PLEKHA1: variants seen among roughly 807,000 people sequenced by gnomAD.
The protein encoded by PLEKHA1 is pleckstrin homology domain containing A1, also known as pleckstrin homology domain-containing family A member 1.
A neutral mutation model predicts 52.0 loss-of-function variants in PLEKHA1; 34 were observed. The observed-to-expected ratio is 0.65, with a 90% CI of 0.50 to 0.87. The LOEUF (loss-of-function observed/expected upper bound fraction) is 0.87. Among genes scored for constraint, PLEKHA1 ranks in the 40% least tolerant of loss-of-function variants. The probability of loss-of-function intolerance (pLI) is 0.00; values close to 1 mark genes in which losing one functional copy is unlikely to be tolerated. For synonymous variants in PLEKHA1, 163 were observed against 170.7 expected (o/e 0.95, Z 0.35); for missense variants, 497 against 504.2 (o/e 0.99, Z 0.14).
chr10:122,418,684 T>G (rs2097214459), intron 8 of PLEKHA1: 1 of 152,194 alleles, frequency 6.6e-6, no homozygotes, highest in Non-Finnish European at 1.5e-5. Flanking sequence ...AATCAGAAAT[T>G]GAAATTCCCT....
chr10:122,402,732 C>T (rs1459248402), intron 4 of PLEKHA1, among the ~76,000 whole-genome samples: 3 of 152,194 alleles, frequency 2.0e-5, no homozygotes, highest in Non-Finnish European at 4.4e-5. Flanking sequence ...TCTGTCCCAG[C>T]AGGTAATGGG....
Position 122,406,567 on chromosome 10 carries a change from T to C in PLEKHA1, c.245-9T>C. On this transcript the variant is annotated splice_polypyrimidine_tract_variant and intron_variant, in intron 4 of 11. Coordinates refer to ENST00000368990, the MANE Select transcript of PLEKHA1 (RefSeq NM_001001974.4). ...CAATATTTGGTGTGTTATTTTTTTC[T>C]GTCAACAGTTATGAATGCAGGAATG... is the stretch of plus-strand genomic sequence containing the variant. 1 of 1,598,880 alleles carries C rather than the reference T, an allele frequency of 6.3e-7. No homozygotes were observed. Among genetic ancestry groups the C allele is most frequent in the Non-Finnish European group, 8.6e-7 (1 of 1,167,154 alleles).
chr10:122,391,289 A>G (rs2096771809), intron 1 of PLEKHA1, among the ~76,000 whole-genome samples: 1 of 152,048 alleles, frequency 6.6e-6, no homozygotes, highest in African/African-American at 2.4e-5. Flanking sequence ...AAATTTGATG[A>G]AGTCCAATAT....
chr10:122,429,731 C>A lies in PLEKHA1; in HGVS notation c.1008C>A (p.Thr336=). The A allele has an allele frequency of 6.2e-7, 1 of 1,614,148 alleles. No individual in the cohort carries two copies. Among genetic ancestry groups the A allele is most frequent in the Non-Finnish European group, 8.5e-7 (1 of 1,180,030 alleles). The change falls in exon 12 of 12, where the codon ACC becomes ACA. Residue 336 remains threonine (T), a synonymous_variant. Coordinates refer to ENST00000368990, the MANE Select transcript of PLEKHA1 (RefSeq NM_001001974.4). ...CTCGCAGCAACTCTTTGGTCTCAAC[C>A]TTTACCATGGAGAAGCGAGGATTTT... ...TASRSNSLVS[T]FTMEKRGFYE... is the part of the protein sequence containing the mutation.
rs1010039805 is a variant in PLEKHA1 at position 122,431,812 on chromosome 10, A to G, written c.*1874A>G. 11 of 152,356 alleles carry G rather than the reference A, an allele frequency of 7.2e-5. No homozygotes were observed. Among genetic ancestry groups the G allele is most frequent in the Non-Finnish European group, 1.2e-4 (8 of 68,024 alleles). 9.4% of individuals were successfully genotyped at this position (152,356 alleles called of 1,614,324 possible). A position where few individuals can be genotyped will look rare whatever the true frequency, so the allele number is the denominator to read the frequency against. On this transcript the variant is annotated 3_prime_UTR_variant, in exon 12 of 12. Transcript: ENST00000368990. ...GATTTTAATGAGTTATCACTTTTTC[A>G]GCTGATATATTCATTTTAATGGCTT...
chr10:122,375,395 C>A (rs968237051), intron 1 of PLEKHA1, among the ~76,000 whole-genome samples: 6 of 152,240 alleles, frequency 3.9e-5, no homozygotes, highest in Non-Finnish European at 8.8e-5. Context: ...GGGCGGTGTC[C>A]GCGATTTACC....
intron 4 of PLEKHA1, among the ~76,000 whole-genome samples, chr10:122,404,180 A>G (rs935023705): frequency 2.0e-5 from 3 of 152,200 alleles, no homozygotes; most frequent in African/African-American, 7.2e-5. Flanking sequence ...ATAATGTTTA[A>G]AAGATGATAT....
the PLEKHA1 span, chr10:122,441,651 G>A: frequency 6.6e-6 from 1 of 152,170 alleles, no homozygotes; most frequent in African/African-American, 2.4e-5. Context: ...CCCACTGAAA[G>A]AGGCTGCGTG....
chr10:122,408,081 T>A (rs985037714), intron 5 of PLEKHA1, among the ~76,000 whole-genome samples: 4 of 152,244 alleles, frequency 2.6e-5, no homozygotes, highest in Non-Finnish European at 5.9e-5. Flanking sequence ...TTTAACCTGA[T>A]TCAGACATAC....
intron 5 of PLEKHA1, among the ~76,000 whole-genome samples, chr10:122,407,756 T>G (rs1341370696): frequency 6.6e-6 from 1 of 152,052 alleles, no homozygotes; most frequent in Non-Finnish European, 1.5e-5. Context: ...AATTGCGTTT[T>G]TGTTTTTGTT....
In PLEKHA1 at chr10:122,374,809, A is replaced by G. The variant is rs1481953255; in HGVS notation, c.-21+3A>G. 1 of 151,542 alleles carries G rather than the reference A, an allele frequency of 6.6e-6. No individual in the cohort carries two copies. Among genetic ancestry groups the G allele is most frequent in the Non-Finnish European group, 1.5e-5 (1 of 67,782 alleles). The allele number at this position is 151,542 out of a possible 1,614,324, so 9.4% of individuals were successfully genotyped here. A position where few individuals can be genotyped will look rare whatever the true frequency, so the allele number is the denominator to read the frequency against. On this transcript the variant is annotated splice_donor_region_variant and intron_variant, in intron 1 of 11. Coordinates refer to ENST00000368990, the MANE Select transcript of PLEKHA1 (RefSeq NM_001001974.4). ...GGGTGCTCCGGGCCGAGGCCGCGGT[A>G]AAGTTTAGCTTGAAGAACGCGGCCG...
chr10:122,417,628 A>G (rs915864393), intron 7 of PLEKHA1, among the ~76,000 whole-genome samples: 1 of 147,256 alleles, frequency 6.8e-6, no homozygotes, highest in African/African-American at 2.6e-5. Context: ...CCTGGGTGAC[A>G]GAGCAAGACT....
chr10:122,409,837 G>C (rs928606854), intron 5 of PLEKHA1, among the ~76,000 whole-genome samples: 5 of 150,766 alleles, frequency 3.3e-5, no homozygotes, highest in African/African-American at 1.2e-4. Context: ...CTGGAGTACA[G>C]TGGTGCTATC....
At chr10:122,391,387 A>C (rs887551948) in intron 1 of PLEKHA1, among the ~76,000 whole-genome samples, 1 of 152,136 alleles carries the variant, frequency 6.6e-6, no homozygotes, top group Non-Finnish European at 1.5e-5. Context: ...TTTTCTTCTG[A>C]AAGTTTTCTG....
Position 122,429,685 on chromosome 10 carries a change from C to T in PLEKHA1, c.962C>T (p.Ala321Val), listed in dbSNP as rs2097398816. Residue 321 changes from alanine to valine, a missense_variant, in exon 12 of 12, where the codon GCC becomes GTC. By Grantham distance (64) the Ala-to-Val change is moderately conservative (BLOSUM62 0). Transcript: ENST00000368990. ...HAFRPTNAAT[A>V]TSHSTASRSN... is the part of the protein sequence containing the mutation. ...TTCCGTCCTACCAACGCAGCCACCG[C>T]CACCTCACATTCCACAGCCTCTCGC... 1.2e-6 allele frequency: 2 copies of T among 1,614,108 alleles called. No homozygotes were observed. Among genetic ancestry groups the T allele is most frequent in the African/African-American group, 2.7e-5 (2 of 75,014 alleles).
chr10:122,383,443 C>T (rs2096644940), intron 1 of PLEKHA1, among the ~76,000 whole-genome samples: 1 of 151,172 alleles, frequency 6.6e-6, no homozygotes, highest in Non-Finnish European at 1.5e-5. Context: ...CCTCAGCTTC[C>T]CAAGTAGCTG....
chr10:122,386,229 CCTGA>C (rs1337377257), intron 1 of PLEKHA1, among the ~76,000 whole-genome samples: 3 of 151,544 alleles, frequency 2.0e-5, no homozygotes, highest in Admixed American at 6.6e-5. Context: ...CATTCACTTT[CCTGA>C]CTAATTATAG....
At position 122,430,074 on chromosome 10, in the gene PLEKHA1, C is replaced by G; in HGVS notation, c.*136C>G. 1 of 987,250 alleles carries G rather than the reference C, an allele frequency of 1.0e-6. No homozygotes were observed. Among genetic ancestry groups the G allele is most frequent in the Non-Finnish European group, 1.4e-6 (1 of 704,498 alleles). 61.2% of individuals were successfully genotyped at this position (987,250 alleles called of 1,614,324 possible). A position where few individuals can be genotyped will look rare whatever the true frequency, so the allele number is the denominator to read the frequency against. ...GCCTCTTAGGTGTACTCTTTATAAG[C>G]TGGTAAACCAAGAATCTAGGGAGTG... On this transcript the variant is annotated 3_prime_UTR_variant, in exon 12 of 12. Transcript: ENST00000368990.
Position 122,417,908 on chromosome 10 carries a change from C to T in PLEKHA1, c.621C>T (p.Asn207=). ...YCVKQGAVMK[N]WKRRYFQLDE... ...GTGTTCATCTCTGGTAGATGAAAAA[C>T]TGGAAGAGAAGATATTTTCAATTGG... The change falls in exon 8 of 12, where the codon AAC becomes AAT. Residue 207 remains asparagine (N), a synonymous_variant. Transcript: ENST00000368990. 6.2e-7 allele frequency: 1 copy of T among 1,610,484 alleles called. No homozygotes were observed.
Sources: gnomAD v4.1 joint callset for allele counts (sites outside exome capture counted in the v4.1 genomes callset) on GRCh38, gnomAD v4.1.1 for gene constraint, MANE v1.5 for transcripts, NCBI Gene and HGNC (gene_info 2026-07-23, HGNC 2026-07-21) for gene names.